Variants in PIK3C2G observed in about 807,000 individuals in gnomAD.
PIK3C2G encodes phosphatidylinositol 3-kinase C2 domain-containing subunit gamma.
In PIK3C2G, 168 loss-of-function variants were observed where a neutral mutation model predicts 181.1. The ratio of observed to expected loss-of-function variants is 0.93; its 90% CI spans 0.82 to 1.05. The LOEUF (loss-of-function observed/expected upper bound fraction) is 1.05, where lower values mean the gene tolerates loss of function less well. Ranked by LOEUF, PIK3C2G falls within the 50% of genes least tolerant of loss-of-function variation. The pLI is 0.00. For synonymous variants in PIK3C2G, 573 were observed against 592.2 expected, an observed-to-expected ratio of 0.97 and a Z score of 0.47; for missense variants, 1,869 against 1,732.8, an observed-to-expected ratio of 1.08 and a Z score of -1.40.
At chr12:18,654,818 G>A in the PIK3C2G span, among the ~76,000 whole-genome samples, 1 of 152,092 alleles carries the variant, frequency 6.6e-6, no homozygotes, top group African/African-American at 2.4e-5. Flanking sequence ...CGAACTCACC[G>A]ACTTCATCTC....
intron 18 of PIK3C2G, among the ~76,000 whole-genome samples, chr12:18,459,668 A>G (rs1271536313): frequency 1.3e-5 from 2 of 152,192 alleles, no homozygotes; most frequent in African/African-American, 4.8e-5. Context: ...CCTATGCCTA[A>G]ATTGAATGGA....
intron 18 of PIK3C2G, among the ~76,000 whole-genome samples, chr12:18,473,187 C>T (rs1254151405): frequency 6.6e-6 from 1 of 152,038 alleles, no homozygotes; most frequent in Non-Finnish European, 1.5e-5. Context: ...TAAGATTTTG[C>T]TTTTACAATG....
chr12:18,417,612 G>T (rs1409207391), intron 16 of PIK3C2G, among the ~76,000 whole-genome samples: 2 of 152,078 alleles, frequency 1.3e-5, no homozygotes, highest in Non-Finnish European at 2.9e-5. Flanking sequence ...CTTGCTGAAG[G>T]CTTAGTTTAT....
Position 18,605,015 on chromosome 12 carries a change from G to A in PIK3C2G, c.4088-4520G>A, listed in dbSNP as rs1355080553. On this transcript the variant is annotated intron_variant, in intron 30 of 32. Coordinates refer to ENST00000538779, the MANE Select transcript of PIK3C2G (RefSeq NM_001288772.2). ...CAAGAACAAGCCAAACCCACACTCAGCAGAAGACAGGAAATAACCAAGATC... is the reference window on the plus strand; with the variant it reads ...CAAGAACAAGCCAAACCCACACTCAACAGAAGACAGGAAATAACCAAGATC... 2.0e-5 allele frequency among the ~76,000 whole-genome samples: 3 copies of A among 151,964 alleles called. No individual in the cohort carries two copies. In the East Asian group the frequency reaches 5.8e-4, roughly 29 times the overall value.
intron 30 of PIK3C2G, among the ~76,000 whole-genome samples, chr12:18,596,010 C>T (rs1249512940): frequency 6.6e-6 from 1 of 152,064 alleles, no homozygotes; most frequent in Non-Finnish European, 1.5e-5. Flanking sequence ...AATCCATGTC[C>T]ATATGGCTCA....
chr12:18,598,233 A>G (rs1264417060), intron 30 of PIK3C2G, among the ~76,000 whole-genome samples: 1 of 151,816 alleles, frequency 6.6e-6, no homozygotes, highest in Non-Finnish European at 1.5e-5. Context: ...GCATCACACT[A>G]CCTGACTTCA....
chr12:18,256,407 C>G (rs1196219114), intron 1 of PIK3C2G, among the ~76,000 whole-genome samples: 1 of 152,136 alleles, frequency 6.6e-6, no homozygotes, highest in Non-Finnish European at 1.5e-5. Context: ...TTAGCACATT[C>G]TGCTCTCCTT....
chr12:18,660,543 G>A, the PIK3C2G span, among the ~76,000 whole-genome samples: 1 of 152,010 alleles, frequency 6.6e-6, no homozygotes, highest in Non-Finnish European at 1.5e-5. Flanking sequence ...CATATATAGA[G>A]GAAATTAGAA....
chr12:18,712,674 A>C, the PIK3C2G span, among the ~76,000 whole-genome samples: 1 of 152,300 alleles, frequency 6.6e-6, no homozygotes, highest in African/African-American at 2.4e-5. Flanking sequence ...ACTTTGATAA[A>C]TCTACCTTTA....
Position 18,282,631 on chromosome 12 carries a change from A to T in PIK3C2G, c.550A>T (p.Ser184Cys). The T allele has an allele frequency of 6.2e-7, 1 of 1,613,434 alleles. No individual in the cohort carries two copies. The highest frequency in any genetic ancestry group is 1.1e-5 in the South Asian group (1 of 91,074). ...TCCTCCAACAAATTCATCCTTCTCAAGTGACTTCATGCCGAAAGAAGAGAA... is the reference window on the plus strand; with the variant it reads ...TCCTCCAACAAATTCATCCTTCTCATGTGACTTCATGCCGAAAGAAGAGAA... ...SIPPTNSSFS[S>C]DFMPKEENKR... The change falls in exon 2 of 33, where the codon AGT (serine) becomes TGT (cysteine). Residue 184 changes from serine (S) to cysteine (C), a missense_variant. Physicochemically the swap from Ser to Cys is moderately radical, Grantham distance 112 (BLOSUM62 -1). Coordinates refer to ENST00000538779, the MANE Select transcript of PIK3C2G (RefSeq NM_001288772.2).
chr12:18,593,883 C>G (rs963078756), intron 29 of PIK3C2G, among the ~76,000 whole-genome samples: 4 of 151,308 alleles, frequency 2.6e-5, no homozygotes, highest in African/African-American at 9.7e-5. Context: ...ATACCTTATG[C>G]ATCTTTCTGT....
chr12:18,414,211 T>C (rs879727569), intron 16 of PIK3C2G, among the ~76,000 whole-genome samples: 9 of 152,178 alleles, frequency 5.9e-5, no homozygotes, highest in Non-Finnish European at 1.0e-4. Flanking sequence ...TTTCTAGTGT[T>C]AGTCATGAGT....
chr12:18,712,713 A>G, the PIK3C2G span: 9 of 1,127,150 alleles, frequency 8.0e-6, no homozygotes, highest in East Asian at 1.7e-4. Flanking sequence ...TTCACTGCCT[A>G]CTAATGGATC....
chr12:18,706,007 A>C, the PIK3C2G span, among the ~76,000 whole-genome samples: 1 of 152,070 alleles, frequency 6.6e-6, no homozygotes, highest in African/African-American at 2.4e-5. Flanking sequence ...CGGGTGGATC[A>C]CCTGGGGTCA....
At chr12:18,629,523 C>G (rs1209124746) in intron 31 of PIK3C2G, among the ~76,000 whole-genome samples, 1 of 152,096 alleles carries the variant, frequency 6.6e-6, no homozygotes, top group African/African-American at 2.4e-5. Context: ...AGGATGGTGA[C>G]TAAGGATTAA....
At chr12:18,428,755 A>G (rs1431963091) in intron 18 of PIK3C2G, among the ~76,000 whole-genome samples, 1 of 152,182 alleles carries the variant, frequency 6.6e-6, no homozygotes, top group African/African-American at 2.4e-5. Context: ...CCTATTTTCC[A>G]AGGCAAGTGA....
At chr12:18,491,665 T>C in intron 20 of PIK3C2G, 107 bp downstream of exon 20, 1 of 622,242 alleles carries the variant, frequency 1.6e-6, no homozygotes, top group Non-Finnish European at 2.8e-6. Flanking sequence ...GACACTGCAA[T>C]TATTTTAACG....
upstream of PIK3C2G, among the ~76,000 whole-genome samples, chr12:18,257,213 G>T (rs1006817320): frequency 5.9e-5 from 9 of 152,078 alleles, no homozygotes; most frequent in Non-Finnish European, 1.3e-4. Flanking sequence ...AAGTTGGATG[G>T]GCATGTGACC....
chr12:18,453,918 A>G (rs1947496047), intron 18 of PIK3C2G, among the ~76,000 whole-genome samples: 1 of 152,182 alleles, frequency 6.6e-6, no homozygotes, highest in South Asian at 2.1e-4. Context: ...GGAAGAGCCA[A>G]AAGTTGGCTT....
Sources: allele counts gnomAD v4.1 joint callset (sites outside exome capture counted in the v4.1 genomes callset), GRCh38; gene constraint gnomAD v4.1.1; transcripts MANE v1.5; gene names NCBI Gene and HGNC (gene_info 2026-07-23, HGNC 2026-07-21).